The following NFIB variants were observed in gnomAD, a reference collection of about 807,000 sequenced individuals.
NFIB encodes nuclear factor 1 B-type.
NFIB carries 11 observed loss-of-function variants against 61.5 expected under a neutral mutation model. The ratio of observed to expected loss-of-function variants is 0.18; its 90% CI spans 0.11 to 0.30. The LOEUF (loss-of-function observed/expected upper bound fraction) is 0.30. Ranked by LOEUF, NFIB falls within the 10% of genes least tolerant of loss-of-function variation. NFIB has a pLI of 1.00. For synonymous variants in NFIB, 260 were observed against 216.5 expected, an observed-to-expected ratio of 1.20 and a Z score of -1.76; for missense variants, 471 against 608.9, an observed-to-expected ratio of 0.77 and a Z score of 2.38.
At chr9:14,465,678 G>A in the NFIB span, among the ~76,000 whole-genome samples, 1 of 151,868 alleles carries the variant, frequency 6.6e-6, no homozygotes, top group African/African-American at 2.4e-5. Flanking sequence ...GGGAGCCCAA[G>A]GTTCTCTGGT....
chr9:14,346,890 C>T (rs2061029925), intron 1 of NFIB, among the ~76,000 whole-genome samples: 1 of 152,098 alleles, frequency 6.6e-6, no homozygotes, highest in South Asian at 2.1e-4. Flanking sequence ...CAAACATCCC[C>T]CTAAACCCGC....
chr9:14,182,708 C>CTCTGTGTGTGTGTG (rs778914837), intron 2 of NFIB, among the ~76,000 whole-genome samples: 33 of 97,000 alleles, frequency 3.4e-4, no homozygotes, highest in Admixed American at 5.6e-4. Context: ...CTCTCTCTCT[C>CTCTGTGTGTGTGTG]TGTGTGTGTG....
chr9:14,382,880 G>T (rs2061504917), intron 1 of NFIB, among the ~76,000 whole-genome samples: 1 of 152,152 alleles, frequency 6.6e-6, no homozygotes, highest in Non-Finnish European at 1.5e-5. Context: ...GCAAGGGATG[G>T]TAGAAGCTTT....
chr9:14,342,003 A>G (rs1271606541), intron 1 of NFIB, among the ~76,000 whole-genome samples: 1 of 151,500 alleles, frequency 6.6e-6, no homozygotes, highest in Non-Finnish European at 1.5e-5. Flanking sequence ...AGCATTCCCA[A>G]TTGGGAAGTT....
At chr9:14,282,191 A>T (rs1170588034) in intron 2 of NFIB, among the ~76,000 whole-genome samples, 1 of 152,166 alleles carries the variant, frequency 6.6e-6, no homozygotes, top group Non-Finnish European at 1.5e-5. Context: ...TACACTGATA[A>T]CATTTTTTCA....
intron 6 of NFIB, among the ~76,000 whole-genome samples, chr9:14,133,930 G>C (rs1250520896): frequency 6.6e-6 from 1 of 151,810 alleles, no homozygotes. Context: ...GAGGAAGAAA[G>C]GAGAGAGAGA....
intron 3 of NFIB, among the ~76,000 whole-genome samples, chr9:14,157,544 C>T (rs1379437017): frequency 6.6e-6 from 1 of 152,106 alleles, no homozygotes; most frequent in Non-Finnish European, 1.5e-5. Context: ...AACAAAATGT[C>T]CCAATTTAAT....
the NFIB span, among the ~76,000 whole-genome samples, chr9:14,474,747 A>G: frequency 1.7e-3 from 254 of 152,300 alleles, 6 homozygotes; most frequent in East Asian, 0.04. Context: ...AAAAGGGAGA[A>G]ATCAAAAGAA....
At chr9:14,246,481 A>T (rs1270375747) in intron 2 of NFIB, among the ~76,000 whole-genome samples, 1 of 152,122 alleles carries the variant, frequency 6.6e-6, no homozygotes, top group Non-Finnish European at 1.5e-5. Flanking sequence ...AGTCCTTCCT[A>T]ATCAACCCTG....
intron 1 of NFIB, among the ~76,000 whole-genome samples, chr9:14,359,784 T>A (rs1270119083): frequency 2.0e-5 from 3 of 152,066 alleles, no homozygotes; most frequent in East Asian, 3.9e-4. Flanking sequence ...GGTGGTTCCA[T>A]CTTTGCTACT....
chr9:14,102,691 CTT>C (rs2035957547), intron 10 of NFIB, among the ~76,000 whole-genome samples: 1 of 151,580 alleles, frequency 6.6e-6, no homozygotes. Context: ...TTCCTAGACT[CTT>C]TTTTAGAAAA....
At chr9:14,488,020 G>T in the NFIB span, among the ~76,000 whole-genome samples, 1 of 152,212 alleles carries the variant, frequency 6.6e-6, no homozygotes, top group East Asian at 1.9e-4. Context: ...TTTCCAGATA[G>T]GTTCAGAAAG....
the NFIB span, among the ~76,000 whole-genome samples, chr9:14,407,155 A>C: frequency 1.3e-5 from 2 of 152,156 alleles, no homozygotes. Context: ...CAACTAAAAA[A>C]CCTTCCTCGA....
At chr9:14,265,870 G>C (rs2057157828) in intron 2 of NFIB, among the ~76,000 whole-genome samples, 1 of 152,148 alleles carries the variant, frequency 6.6e-6, no homozygotes, top group Non-Finnish European at 1.5e-5. Context: ...TTATGTTAGG[G>C]AAGTAGAAAG....
upstream of NFIB, among the ~76,000 whole-genome samples, chr9:14,403,539 T>C (rs1588428649): frequency 6.7e-6 from 1 of 149,330 alleles, no homozygotes; most frequent in South Asian, 2.2e-4. Context: ...CTCTCCCCTC[T>C]TCTTTCCCAT....
the NFIB span, among the ~76,000 whole-genome samples, chr9:14,469,281 G>C: frequency 6.6e-6 from 1 of 152,282 alleles, no homozygotes; most frequent in African/African-American, 2.4e-5. Flanking sequence ...AACTTGAAAA[G>C]TTACTGTGAA....
chr9:14,250,699 G>A (rs368499585), intron 2 of NFIB, among the ~76,000 whole-genome samples: 4 of 152,174 alleles, frequency 2.6e-5, no homozygotes, highest in African/African-American at 7.2e-5. Flanking sequence ...CGGGATTACA[G>A]TATATAGAAT....
chr9:14,447,332 A>C, the NFIB span, among the ~76,000 whole-genome samples: 1 of 152,288 alleles, frequency 6.6e-6, no homozygotes, highest in Non-Finnish European at 1.5e-5. Flanking sequence ...GTTTTATTGC[A>C]GTATGCTCCG....
the NFIB span, among the ~76,000 whole-genome samples, chr9:14,436,086 G>C: frequency 6.6e-6 from 1 of 152,178 alleles, no homozygotes; most frequent in East Asian, 1.9e-4. Flanking sequence ...CCTCACTCAG[G>C]CAGCCAGGTT....
Sources: allele counts gnomAD v4.1 joint callset (sites outside exome capture counted in the v4.1 genomes callset), GRCh38; gene constraint gnomAD v4.1.1; transcripts MANE v1.5; gene names NCBI Gene and HGNC (gene_info 2026-07-23, HGNC 2026-07-21).